CLSTN2: variants seen among roughly 807,000 people sequenced by gnomAD.
The protein encoded by CLSTN2 is calsyntenin-2.
A neutral mutation model predicts 101.2 loss-of-function variants in CLSTN2; 48 were observed. The ratio of observed to expected loss-of-function variants is 0.47; its 90% CI spans 0.38 to 0.60. The LOEUF (loss-of-function observed/expected upper bound fraction) is 0.60. CLSTN2 is among the 20% of genes least tolerant of loss of function. The pLI is 0.00. For synonymous variants in CLSTN2, 481 were observed against 463.6 expected (o/e 1.04, Z -0.48); for missense variants, 1,160 against 1,238.2 (o/e 0.94, Z 0.95).
At chr3:140,479,960 T>G (rs899321424) in intron 8 of CLSTN2, among the ~76,000 whole-genome samples, 6 of 152,172 alleles carry the variant, frequency 3.9e-5, no homozygotes, top group Non-Finnish European at 7.3e-5. Flanking sequence ...TCTTTTTTTT[T>G]TATTATTATA....
At chr3:139,977,605 C>A (rs890607155) in intron 1 of CLSTN2, among the ~76,000 whole-genome samples, 1 of 152,108 alleles carries the variant, frequency 6.6e-6, no homozygotes. Context: ...CAGCACCATT[C>A]CAATTCACAT....
chr3:140,205,177 A>G (rs1426594755), intron 2 of CLSTN2, among the ~76,000 whole-genome samples: 4 of 152,222 alleles, frequency 2.6e-5, no homozygotes, highest in Admixed American at 1.3e-4. Flanking sequence ...CAAAGATCAC[A>G]CAGCATCCAA....
chr3:140,132,265 T>A (rs78662389), intron 1 of CLSTN2, among the ~76,000 whole-genome samples: 3,470 of 152,334 alleles, frequency 0.023, 130 homozygotes, highest in African/African-American at 0.076. Flanking sequence ...ACTTAAATAA[T>A]TATTTTTTTG....
chr3:140,205,436 G>A (rs75968876), intron 2 of CLSTN2, among the ~76,000 whole-genome samples: 2,368 of 152,286 alleles, frequency 0.016, 38 homozygotes, highest in Non-Finnish European at 0.024. Context: ...TAAGGATTAA[G>A]TTAGTCACAC....
intron 8 of CLSTN2, among the ~76,000 whole-genome samples, chr3:140,528,503 T>C (rs1386459702): frequency 6.6e-6 from 1 of 152,244 alleles, no homozygotes; most frequent in Non-Finnish European, 1.5e-5. Flanking sequence ...ATTCCATGGC[T>C]GGACTATAAG....
chr3:140,111,194 G>A (rs1471868217), intron 1 of CLSTN2, among the ~76,000 whole-genome samples: 1 of 152,076 alleles, frequency 6.6e-6, no homozygotes, highest in African/African-American at 2.4e-5. Context: ...TCTATTTTAT[G>A]CTTTGTATTT....
intron 2 of CLSTN2, among the ~76,000 whole-genome samples, chr3:140,193,731 G>A (rs553313851): frequency 1.3e-5 from 2 of 151,866 alleles, no homozygotes; most frequent in East Asian, 3.9e-4. Flanking sequence ...ATTTTTTTTA[G>A]CACTGCTTTC....
rs779925792 is a variant in CLSTN2 at position 140,532,369 on chromosome 3, C to T, written c.1390C>T (p.Pro464Ser). Residue 464 changes from proline to serine, a missense_variant, in exon 9 of 17, where the codon CCT becomes TCT. By Grantham distance (74) the Pro-to-Ser change is moderately conservative (BLOSUM62 -1). Coordinates refer to ENST00000458420, the MANE Select transcript of CLSTN2 (RefSeq NM_022131.3). Reference protein sequence around the residue: ...WHYYVINVEFPVVTLYMDGAT... With the variant: ...WHYYVINVEFSVVTLYMDGAT... Reference sequence around the variant, plus strand: ...CTACTATGTCATCAATGTGGAGTTTCCTGTGGTAACCTTATACATGGATGG... The same window carrying T: ...CTACTATGTCATCAATGTGGAGTTTTCTGTGGTAACCTTATACATGGATGG... The T allele has an allele frequency of 1.9e-6, 3 of 1,612,510 alleles. No individual in the cohort carries two copies. Among genetic ancestry groups the T allele is most frequent in the Non-Finnish European group, 2.5e-6 (3 of 1,178,992 alleles).
chr3:139,942,822 A>G (rs1408132558), intron 1 of CLSTN2, among the ~76,000 whole-genome samples: 1 of 152,172 alleles, frequency 6.6e-6, no homozygotes, highest in Non-Finnish European at 1.5e-5. Context: ...ATCTTGGACC[A>G]TGGCCACTTG....
At chr3:140,547,728 G>A (rs151210352) in intron 10 of CLSTN2, among the ~76,000 whole-genome samples, 58 of 152,202 alleles carry the variant, frequency 3.8e-4, no homozygotes, top group Non-Finnish European at 6.3e-4. Flanking sequence ...CTTACAGAGC[G>A]AGCACTTGTT....
chr3:140,366,316 C>T (rs1320797325), intron 2 of CLSTN2, among the ~76,000 whole-genome samples: 1 of 152,228 alleles, frequency 6.6e-6, no homozygotes. Context: ...TGGGCAGCAG[C>T]CCCAGCCTAG....
At chr3:140,515,337 T>G (rs1363161090) in intron 8 of CLSTN2, among the ~76,000 whole-genome samples, 1 of 152,136 alleles carries the variant, frequency 6.6e-6, no homozygotes, top group Non-Finnish European at 1.5e-5. Context: ...GTCTTTTTAT[T>G]GTTTTTCTGC....
At chr3:140,385,491 C>T (rs1052130709) in intron 2 of CLSTN2, among the ~76,000 whole-genome samples, 3 of 151,124 alleles carry the variant, frequency 2.0e-5, no homozygotes, top group Non-Finnish European at 2.9e-5. Flanking sequence ...GCCTCAGCTT[C>T]CCAAGTAGCT....
intron 2 of CLSTN2, among the ~76,000 whole-genome samples, chr3:140,273,746 A>C (rs112832996): frequency 1.3e-3 from 191 of 152,302 alleles, no homozygotes; most frequent in African/African-American, 4.1e-3. Flanking sequence ...CTACTGACTC[A>C]TAGTGGTGGA....
At chr3:140,316,645 G>T (rs2107920761) in intron 2 of CLSTN2, among the ~76,000 whole-genome samples, 1 of 152,228 alleles carries the variant, frequency 6.6e-6, no homozygotes, top group East Asian at 1.9e-4. Context: ...AGATCTCTCA[G>T]GGTCGTGTGG....
chr3:140,463,357 G>A (rs960664091), intron 7 of CLSTN2, among the ~76,000 whole-genome samples: 2 of 151,938 alleles, frequency 1.3e-5, no homozygotes, highest in Admixed American at 1.3e-4. Context: ...ACCTTGTTCA[G>A]CAATCACCAG....
At chr3:140,014,776 G>T (rs572866282) in intron 1 of CLSTN2, among the ~76,000 whole-genome samples, 13 of 152,310 alleles carry the variant, frequency 8.5e-5, no homozygotes, top group African/African-American at 2.6e-4. Context: ...GGCAGAGTGT[G>T]CAGGAGGATG....
intron 1 of CLSTN2, among the ~76,000 whole-genome samples, chr3:139,988,302 A>C (rs1936062468): frequency 6.6e-6 from 1 of 152,072 alleles, no homozygotes; most frequent in South Asian, 2.1e-4. Flanking sequence ...AAGGGGGAAA[A>C]ACAGGCAAAT....
At chr3:140,221,984 A>C (rs1373224527) in intron 2 of CLSTN2, among the ~76,000 whole-genome samples, 1 of 152,196 alleles carries the variant, frequency 6.6e-6, no homozygotes, top group Non-Finnish European at 1.5e-5. Context: ...CCCCAAAGAA[A>C]GGAAATCAGT....
Sources: allele counts gnomAD v4.1 joint callset (sites outside exome capture counted in the v4.1 genomes callset), GRCh38; gene constraint gnomAD v4.1.1; transcripts MANE v1.5; gene names NCBI Gene and HGNC (gene_info 2026-07-23, HGNC 2026-07-21).